The following SDAD1 variants were observed in gnomAD, a reference collection of about 807,000 sequenced individuals.
The protein encoded by SDAD1 is SDA1 domain containing 1, also known as protein SDA1 homolog.
SDAD1 carries 79 observed loss-of-function variants against 100.3 expected under a neutral mutation model. The ratio of observed to expected loss-of-function variants is 0.79; its 90% CI spans 0.66 to 0.95. The LOEUF (loss-of-function observed/expected upper bound fraction) is 0.95. SDAD1 is among the 40% of genes least tolerant of loss of function. The probability of loss-of-function intolerance (pLI) is 0.00; values close to 1 mark genes in which losing one functional copy is unlikely to be tolerated. For synonymous variants in SDAD1, 267 were observed against 271.4 expected (o/e 0.98, Z 0.16); for missense variants, 790 against 810.9 (o/e 0.97, Z 0.31).
chr4:75,977,985 T>C (rs751606031), intron 3 of SDAD1, among the ~76,000 whole-genome samples: 8 of 152,026 alleles, frequency 5.3e-5, no homozygotes, highest in East Asian at 1.9e-4. Context: ...ATAAGTGTCA[T>C]GAAGGAAGTA....
chr4:75,974,345 A>G (rs1203487984), intron 6 of SDAD1, among the ~76,000 whole-genome samples: 2 of 151,606 alleles, frequency 1.3e-5, no homozygotes, highest in African/African-American at 4.8e-5. Flanking sequence ...CAAAATTTGC[A>G]GCCATTAAGA....
In SDAD1 at chr4:75,975,921, T is replaced by C; in HGVS notation, c.477+3A>G. ...CAAACATGGAAGACAGAAGAGTACTTACTACATTCACTTTATTGTTCTTGT... is the reference window on the plus strand; with the variant it reads ...CAAACATGGAAGACAGAAGAGTACTCACTACATTCACTTTATTGTTCTTGT... On this transcript the variant is annotated splice_donor_region_variant and intron_variant, in intron 5 of 21. Transcript: ENST00000356260. The C allele has an allele frequency of 6.3e-7, 1 of 1,598,812 alleles. No homozygotes were observed. The highest frequency in any genetic ancestry group is 8.6e-7 in the Non-Finnish European group (1 of 1,166,142).
chr4:75,960,844 T>A (rs1202023301), intron 16 of SDAD1, among the ~76,000 whole-genome samples, 184 bp downstream of exon 16: 1 of 152,234 alleles, frequency 6.6e-6, no homozygotes, highest in African/African-American at 2.4e-5. Context: ...TCAATGAATA[T>A]GTGCCAACTA....
chr4:75,990,096 T>C (rs1731151711), intron 1 of SDAD1, among the ~76,000 whole-genome samples: 1 of 152,212 alleles, frequency 6.6e-6, no homozygotes, highest in Admixed American at 6.5e-5. Context: ...ACACCCCTAA[T>C]GTTCACAACT....
In SDAD1 at chr4:75,957,520, G is replaced by A; in HGVS notation, c.1767C>T (p.Pro589=). 6.2e-7 allele frequency: 1 copy of A among 1,613,856 alleles called. No individual in the cohort carries two copies. The highest frequency in any genetic ancestry group is 8.5e-7 in the Non-Finnish European group (1 of 1,179,840). ...KYIEIDSDEE[P]RGELLSLRDI... is the part of the protein sequence containing the mutation. ...CTAAAGTGGATGTGCCATTTTACCT[G>A]GGCTCTTCATCACTGTCTATTTCAA... Residue 589 remains proline, a splice_region_variant and synonymous_variant, in exon 19 of 22, where the codon CCC becomes CCT. Coordinates refer to ENST00000356260, the MANE Select transcript of SDAD1 (RefSeq NM_018115.4).
At chr4:75,954,976 T>C (rs573605236) in intron 21 of SDAD1, among the ~76,000 whole-genome samples, 2 of 152,306 alleles carry the variant, frequency 1.3e-5, no homozygotes, top group Admixed American at 6.5e-5. Flanking sequence ...TTCTGAGAAT[T>C]TGTGGTCTAA....
At chr4:75,986,893 T>C (rs766813771) in intron 1 of SDAD1, among the ~76,000 whole-genome samples, 9 of 151,904 alleles carry the variant, frequency 5.9e-5, no homozygotes, top group Non-Finnish European at 1.2e-4. Flanking sequence ...GGTTGCACAC[T>C]TGTGGTCCCA....
intron 13 of SDAD1, among the ~76,000 whole-genome samples, chr4:75,965,352 A>G: frequency 6.6e-6 from 1 of 152,186 alleles, no homozygotes; most frequent in Non-Finnish European, 1.5e-5. Flanking sequence ...ATCAATGACA[A>G]TGCGTGCCCG....
At chr4:75,962,017 TG>T (rs1271607680) in intron 14 of SDAD1, among the ~76,000 whole-genome samples, 1 of 152,208 alleles carries the variant, frequency 6.6e-6, no homozygotes, top group Non-Finnish European at 1.5e-5. Context: ...TCATTAACAT[TG>T]GGTATATCTC....
chr4:75,973,715 T>A (rs1292966156), intron 7 of SDAD1, among the ~76,000 whole-genome samples: 1 of 152,180 alleles, frequency 6.6e-6, no homozygotes, highest in African/African-American at 2.4e-5. Context: ...AAATTTCTTT[T>A]AGCAGTGCCG....
rs764302558 is a variant in SDAD1 at position 75,981,444 on chromosome 4, T to G, written c.222A>C (p.Leu74=). 29 of 1,613,678 alleles carry G rather than the reference T, an allele frequency of 1.8e-5. No homozygotes were observed. The highest frequency in any genetic ancestry group is 2.3e-5 in the Non-Finnish European group (27 of 1,179,780). The stretch of plus-strand genomic sequence containing the variant: ...CTTTCACCTCTTGAGGAAAATTACT[T>G]AGGTACTCTGGGTAGCAGTGACTAA... ...AQISHCYPEY[L]SNFPQEVKDL... Residue 74 remains leucine (L), a synonymous_variant, in exon 3 of 22, where the codon CTA becomes CTC. Transcript: ENST00000356260.
In SDAD1 at chr4:75,970,319, A is replaced by G. The variant is rs200531690; in HGVS notation, c.873T>C (p.His291=). ...VFNFSAIHLI[H]DPQDFAEKLL... The stretch of plus-strand genomic sequence containing the variant: ...GTCATAATAACGTACCTTGGGGATC[A>G]TGAATCAAGTGAATGGCTGAAAAGT... The change falls in exon 10 of 22, where the codon CAT becomes CAC. Residue 291 remains histidine (H), a synonymous_variant. Coordinates refer to ENST00000356260, the MANE Select transcript of SDAD1 (RefSeq NM_018115.4). 2.1e-4 allele frequency: 333 copies of G among 1,613,648 alleles called. 1 individual carries two copies. The Middle Eastern group carries it at 2.3e-3, about 11-fold the overall frequency.
chr4:75,969,536 G>A lies in SDAD1; in HGVS notation c.884-137C>T, dbSNP rs183816272. On this transcript the variant is annotated intron_variant, in intron 10 of 21. Transcript: ENST00000356260. ...GGTGAATATGTCAATATATGTAATG[G>A]TGCCCAAAGTTAAGTCTTAATAATT... is the stretch of plus-strand genomic sequence containing the variant. 1.7e-4 allele frequency: 96 copies of A among 568,654 alleles called. No homozygotes were observed. The East Asian group carries it at 2.8e-3, about 17-fold the overall frequency. 35.2% of individuals were successfully genotyped at this position (568,654 alleles called of 1,614,324 possible).
Position 75,983,215 on chromosome 4 carries a change from A to G in SDAD1, c.91-1178T>C, listed in dbSNP as rs191763841. ...CATTGATGGGCATTTGGGTTGGTTC[A>G]AAGTCTTTGCTATTGTGAATAGTGC... On this transcript the variant is annotated intron_variant, in intron 1 of 21. Coordinates refer to ENST00000356260, the MANE Select transcript of SDAD1 (RefSeq NM_018115.4). Among the ~76,000 whole-genome samples, 537 of 152,232 alleles carry G rather than the reference A, an allele frequency of 3.5e-3. 3 individuals carry two copies. The highest frequency in any genetic ancestry group is 0.01 in the Middle Eastern group (3 of 294).
chr4:75,980,520 A>G (rs999005506), intron 3 of SDAD1, among the ~76,000 whole-genome samples: 2 of 152,234 alleles, frequency 1.3e-5, no homozygotes, highest in Non-Finnish European at 2.9e-5. Context: ...CTTAGTCCCT[A>G]GAAGCAGAGA....
At chr4:75,986,254 G>A (rs1203096224) in intron 1 of SDAD1, among the ~76,000 whole-genome samples, 2 of 152,074 alleles carry the variant, frequency 1.3e-5, no homozygotes, top group Non-Finnish European at 2.9e-5. Flanking sequence ...AATTAGCTGG[G>A]ACTATAGGCA....
chr4:75,964,440 T>C (rs1729424384), intron 13 of SDAD1, among the ~76,000 whole-genome samples: 1 of 152,252 alleles, frequency 6.6e-6, no homozygotes, highest in South Asian at 2.1e-4. Flanking sequence ...AATTACTCTA[T>C]AAATTTACTA....
intron 1 of SDAD1, among the ~76,000 whole-genome samples, chr4:75,990,284 C>G (rs1000504681): frequency 0.011 from 1,662 of 149,408 alleles, 44 homozygotes; most frequent in African/African-American, 0.038. Context: ...ACCCCCCCCC[C>G]CCCTTTCCTG....
At chr4:75,990,419 C>A (rs1731182748) in intron 1 of SDAD1, among the ~76,000 whole-genome samples, 1 of 152,174 alleles carries the variant, frequency 6.6e-6, no homozygotes, top group Admixed American at 6.5e-5. Context: ...GCTGAGAAAT[C>A]CGCGTGGAAG....
Sources: allele counts gnomAD v4.1 joint callset (sites outside exome capture counted in the v4.1 genomes callset), GRCh38; gene constraint gnomAD v4.1.1; transcripts MANE v1.5; gene names NCBI Gene and HGNC (gene_info 2026-07-23, HGNC 2026-07-21).